The following ZNG1B variants were observed in gnomAD, a reference collection of about 807,000 sequenced individuals.
ZNG1B encodes the protein Zn regulated GTPase metalloprotein activator 1B.
the ZNG1B span, among the ~76,000 whole-genome samples, chr2:113,439,699 A>G: frequency 6.6e-6 from 1 of 152,028 alleles, no homozygotes; most frequent in Admixed American, 6.5e-5. Flanking sequence ...TGTTACTTCA[A>G]AGGTGCCAAG....
chr2:113,485,233 T>C, the ZNG1B span, among the ~76,000 whole-genome samples: 2 of 137,522 alleles, frequency 1.5e-5, no homozygotes, highest in Admixed American at 7.6e-5. Context: ...TGTTTAAAAA[T>C]GAGAAGGTGA....
the ZNG1B span, among the ~76,000 whole-genome samples, chr2:113,476,224 CTTCATTTCA>C: frequency 6.6e-6 from 1 of 152,114 alleles, no homozygotes; most frequent in Non-Finnish European, 1.5e-5. Flanking sequence ...TCCCTTCTTG[CTTCATTTCA>C]TTCATTTCAT....
the ZNG1B span, among the ~76,000 whole-genome samples, chr2:113,452,975 A>T: frequency 1.3e-5 from 2 of 152,108 alleles, no homozygotes; most frequent in African/African-American, 4.8e-5. Flanking sequence ...TATCACTGTA[A>T]CTCCCTTTTG....
the ZNG1B span, among the ~76,000 whole-genome samples, chr2:113,480,228 A>G: frequency 7.0e-6 from 1 of 142,278 alleles, no homozygotes; most frequent in Admixed American, 7.1e-5. Flanking sequence ...GCAGTCGTGA[A>G]CTCCTGGACT....
At chr2:113,475,998 G>A in the ZNG1B span, among the ~76,000 whole-genome samples, 1 of 152,112 alleles carries the variant, frequency 6.6e-6, no homozygotes, top group East Asian at 1.9e-4. Context: ...GAGAATCTTT[G>A]TGGCATTCTC....
the ZNG1B span, chr2:113,462,256 A>G: frequency 1.1e-5 from 9 of 802,910 alleles, no homozygotes; most frequent in Admixed American, 1.2e-4. Context: ...AGTCACTCCT[A>G]TAGAGCACTG....
chr2:113,438,975 G>A, the ZNG1B span: 70 of 1,467,718 alleles, frequency 4.8e-5, no homozygotes, highest in Non-Finnish European at 6.4e-5. Flanking sequence ...TTTTTTGCTC[G>A]GAAGTAATTT....
At chr2:113,487,338 A>G in the ZNG1B span, among the ~76,000 whole-genome samples, 3 of 151,980 alleles carry the variant, frequency 2.0e-5, no homozygotes, top group African/African-American at 7.2e-5. Context: ...CCAACAGCTC[A>G]TTTCTCTTTA....
the ZNG1B span, among the ~76,000 whole-genome samples, chr2:113,488,430 C>A: frequency 6.6e-6 from 1 of 151,950 alleles, no homozygotes; most frequent in African/African-American, 2.4e-5. Context: ...ACCAGAAAAC[C>A]GACCCTGGTA....
the ZNG1B span, among the ~76,000 whole-genome samples, chr2:113,476,302 T>G: frequency 6.6e-6 from 1 of 152,094 alleles, no homozygotes; most frequent in East Asian, 1.9e-4. Context: ...GGCTTCTGCA[T>G]TCTTCACGTA....
chr2:113,495,372 C>G, the ZNG1B span: 1 of 1,226,224 alleles, frequency 8.2e-7, no homozygotes, highest in Non-Finnish European at 1.1e-6. Flanking sequence ...AGCTTGTGGT[C>G]AATGTTTCAT....
the ZNG1B span, among the ~76,000 whole-genome samples, chr2:113,453,699 G>A: frequency 2.1e-4 from 32 of 150,488 alleles, no homozygotes; most frequent in African/African-American, 7.2e-4. Context: ...CCCAGACAGT[G>A]GTGGAACTCG....
chr2:113,468,101 A>G, the ZNG1B span, among the ~76,000 whole-genome samples: 1 of 151,736 alleles, frequency 6.6e-6, no homozygotes, highest in African/African-American at 2.4e-5. Context: ...GGTTTGGAAA[A>G]TGTGATTAGT....
At chr2:113,468,743 TTC>T in the ZNG1B span, 1 of 151,600 alleles carries the variant, frequency 6.6e-6, no homozygotes, top group Admixed American at 6.6e-5. Context: ...AGTGAAGAAT[TTC>T]TTTTTCATGG....
chr2:113,439,042 A>G, the ZNG1B span: 1 of 1,531,560 alleles, frequency 6.5e-7, no homozygotes, highest in Non-Finnish European at 8.8e-7. Flanking sequence ...TGCTCTGCTG[A>G]GAAGATGAAC....
At chr2:113,446,381 C>G in the ZNG1B span, among the ~76,000 whole-genome samples, 1 of 152,100 alleles carries the variant, frequency 6.6e-6, no homozygotes, top group Non-Finnish European at 1.5e-5. Flanking sequence ...ATGGAACATT[C>G]ATTGTAAAAA....
At chr2:113,467,025 C>T in the ZNG1B span, among the ~76,000 whole-genome samples, 2,214 of 140,946 alleles carry the variant, frequency 0.016, 41 homozygotes, top group African/African-American at 0.057. Flanking sequence ...GATCGCACCA[C>T]TGCACTCCAG....
the ZNG1B span, among the ~76,000 whole-genome samples, chr2:113,448,670 C>T: frequency 6.6e-6 from 1 of 151,972 alleles, no homozygotes; most frequent in Non-Finnish European, 1.5e-5. Context: ...TTTGGGAGGC[C>T]GAGGTGGGCA....
At chr2:113,464,769 A>T in the ZNG1B span, among the ~76,000 whole-genome samples, 1 of 150,984 alleles carries the variant, frequency 6.6e-6, no homozygotes. Flanking sequence ...CACCGTAAAA[A>T]TTTTGAGTAT....
Sources: gnomAD v4.1 joint callset for allele counts (sites outside exome capture counted in the v4.1 genomes callset) on GRCh38, gnomAD v4.1.1 for gene constraint, MANE v1.5 for transcripts, NCBI Gene and HGNC (gene_info 2026-07-23, HGNC 2026-07-21) for gene names.